Variants in CCDC178 observed in about 807,000 individuals in gnomAD.
The protein encoded by CCDC178 is coiled-coil domain containing 178, also known as coiled-coil domain-containing protein 178.
A neutral mutation model predicts 117.4 loss-of-function variants in CCDC178; 126 were observed. That is an observed-to-expected ratio of 1.07 (90% confidence interval 0.93 to 1.24). The LOEUF (loss-of-function observed/expected upper bound fraction) is 1.24. Among genes scored for constraint, CCDC178 ranks in the 50% most tolerant of loss-of-function variants. CCDC178 has a pLI of 0.00. For synonymous variants in CCDC178, 283 were observed against 313.4 expected (o/e 0.90, Z 1.02); for missense variants, 1,030 against 986.9 (o/e 1.04, Z -0.59).
chr18:32,991,139 C>T (rs1313412703), intron 21 of CCDC178, among the ~76,000 whole-genome samples: 1 of 146,088 alleles, frequency 6.8e-6, no homozygotes, highest in African/African-American at 2.7e-5. Flanking sequence ...ATTTTACAGA[C>T]TGGAAAAAAG....
intron 20 of CCDC178, among the ~76,000 whole-genome samples, chr18:33,198,629 T>C (rs2058960474): frequency 6.6e-6 from 1 of 152,162 alleles, no homozygotes; most frequent in South Asian, 2.1e-4. Context: ...TTTTATGCGA[T>C]TTGTAAAAAT....
At chr18:33,410,655 T>A (rs555008547) in intron 3 of CCDC178, among the ~76,000 whole-genome samples, 1 of 152,256 alleles carries the variant, frequency 6.6e-6, no homozygotes, top group South Asian at 2.1e-4. Context: ...TTGTAGTAAG[T>A]TGATTGCAAT....
intron 20 of CCDC178, among the ~76,000 whole-genome samples, chr18:33,096,746 G>A (rs2057549279): frequency 6.6e-6 from 1 of 152,062 alleles, no homozygotes; most frequent in Non-Finnish European, 1.5e-5. Flanking sequence ...AACCGTCTCA[G>A]TTCTGGAAAC....
At chr18:33,276,349 A>C (rs1442850278) in intron 12 of CCDC178, among the ~76,000 whole-genome samples, 1 of 152,118 alleles carries the variant, frequency 6.6e-6, no homozygotes. Flanking sequence ...TCTGAAGTAC[A>C]ATTTTAGGAC....
intron 11 of CCDC178, among the ~76,000 whole-genome samples, chr18:33,305,284 A>G (rs140266392): frequency 6.6e-6 from 1 of 152,292 alleles, no homozygotes; most frequent in East Asian, 1.9e-4. Context: ...CAGCTTTGGA[A>G]AAGGTAATAT....
intron 20 of CCDC178, among the ~76,000 whole-genome samples, chr18:33,177,956 A>G (rs1238882357): frequency 6.6e-6 from 1 of 152,096 alleles, no homozygotes; most frequent in African/African-American, 2.4e-5. Context: ...CTCATGAAAT[A>G]TGAGTGCTCC....
At chr18:33,103,618 G>A (rs183436782) in intron 20 of CCDC178, among the ~76,000 whole-genome samples, 29 of 151,192 alleles carry the variant, frequency 1.9e-4, no homozygotes, top group African/African-American at 5.6e-4. Flanking sequence ...AGCTTTGTAA[G>A]TACTCTCAAA....
intron 4 of CCDC178, among the ~76,000 whole-genome samples, chr18:33,390,007 T>C (rs190281129): frequency 2.0e-3 from 301 of 148,784 alleles, no homozygotes; most frequent in Middle Eastern, 0.011. Context: ...TATATATATA[T>C]ACTATTTTAT....
chr18:33,144,123 A>G (rs547416023), intron 20 of CCDC178, among the ~76,000 whole-genome samples: 6 of 152,240 alleles, frequency 3.9e-5, no homozygotes, highest in Admixed American at 2.0e-4. Flanking sequence ...GTTTTATTCA[A>G]TAAGATAGAG....
intron 2 of CCDC178, among the ~76,000 whole-genome samples, chr18:33,419,923 T>C (rs980536260): frequency 6.6e-6 from 1 of 152,048 alleles, no homozygotes; most frequent in African/African-American, 2.4e-5. Context: ...TCTTTTTTTT[T>C]TTCACCAATC....
At chr18:33,339,650 G>C (rs1246694320) in intron 9 of CCDC178, among the ~76,000 whole-genome samples, 1 of 151,940 alleles carries the variant, frequency 6.6e-6, no homozygotes, top group Non-Finnish European at 1.5e-5. Context: ...GGACCCAGGG[G>C]GAGGTAACTG....
At chr18:33,127,375 G>T (rs2058019846) in intron 20 of CCDC178, among the ~76,000 whole-genome samples, 2 of 152,134 alleles carry the variant, frequency 1.3e-5, no homozygotes, top group African/African-American at 4.8e-5. Context: ...GATTTTACAA[G>T]ATTTTATTCT....
At chr18:33,024,106 A>G (rs553929035) in intron 21 of CCDC178, among the ~76,000 whole-genome samples, 41 of 152,234 alleles carry the variant, frequency 2.7e-4, no homozygotes, top group Non-Finnish European at 4.9e-4. Context: ...TAATTTGAAA[A>G]CTTGCCAAAC....
intron 15 of CCDC178, among the ~76,000 whole-genome samples, chr18:33,230,473 A>C (rs2059356987): frequency 6.6e-6 from 1 of 152,136 alleles, no homozygotes; most frequent in African/African-American, 2.4e-5. Context: ...GGCTGCTAGC[A>C]CTTTGTCTGT....
At chr18:33,364,349 C>A (rs1048800306) in intron 6 of CCDC178, among the ~76,000 whole-genome samples, 7 of 151,912 alleles carry the variant, frequency 4.6e-5, no homozygotes, top group African/African-American at 1.7e-4. Context: ...GGGAAAAATT[C>A]TAGACTGCAA....
chr18:33,132,617 T>C (rs771322095), intron 20 of CCDC178, among the ~76,000 whole-genome samples: 3 of 151,580 alleles, frequency 2.0e-5, no homozygotes, highest in African/African-American at 2.4e-5. Context: ...AAAAATGAGG[T>C]GTTGGCTTTT....
At chr18:33,189,893 T>C (rs2058837831) in intron 20 of CCDC178, among the ~76,000 whole-genome samples, 1 of 152,128 alleles carries the variant, frequency 6.6e-6, no homozygotes, top group South Asian at 2.1e-4. Context: ...ACTGAAGTGG[T>C]AGCCCTAATC....
intron 5 of CCDC178, among the ~76,000 whole-genome samples, chr18:33,370,849 T>C (rs910011340): frequency 2.0e-5 from 3 of 152,058 alleles, no homozygotes; most frequent in Non-Finnish European, 4.4e-5. Flanking sequence ...AATCCTAGCA[T>C]GTCCCAAATC....
In CCDC178 at chr18:33,336,795, T is replaced by C. The variant is rs549901588; in HGVS notation, c.659-3401A>G. ...ATTAAACATTAAAAAAATGTTTCTA[T>C]GGCCTTATAGTATAGTTTGAAGTTG... On this transcript the variant is annotated intron_variant, in intron 9 of 22. Coordinates refer to ENST00000383096, the MANE Select transcript of CCDC178 (RefSeq NM_001105528.4). 5.3e-5 allele frequency among the ~76,000 whole-genome samples: 8 copies of C among 152,254 alleles called. No individual in the cohort carries two copies. The East Asian group carries it at 1.3e-3, about 26-fold the overall frequency.
Sources: gnomAD v4.1 joint callset for allele counts (sites outside exome capture counted in the v4.1 genomes callset) on GRCh38, gnomAD v4.1.1 for gene constraint, MANE v1.5 for transcripts, NCBI Gene and HGNC (gene_info 2026-07-23, HGNC 2026-07-21) for gene names.